The following LDB2 variants were observed in gnomAD, a reference collection of about 807,000 sequenced individuals.
LDB2 encodes LIM domain binding 2.
LDB2 carries 12 observed loss-of-function variants against 44.3 expected under a neutral mutation model. The observed-to-expected ratio is 0.27, with a 90% CI of 0.17 to 0.44. The LOEUF (loss-of-function observed/expected upper bound fraction) is 0.44. Ranked by LOEUF, LDB2 falls within the 20% of genes least tolerant of loss-of-function variation. LDB2 has a pLI of 1.00. For missense variants in LDB2, 344 were observed against 473.5 expected (o/e 0.73, Z 2.54); for synonymous variants, 164 against 174.8 (o/e 0.94, Z 0.49).
chr4:16,687,276 G>T (rs542263775), intron 2 of LDB2, among the ~76,000 whole-genome samples: 2 of 152,268 alleles, frequency 1.3e-5, no homozygotes, highest in Admixed American at 1.3e-4. Flanking sequence ...AGGTAATAAG[G>T]TTATGAGAGT....
intron 5 of LDB2, among the ~76,000 whole-genome samples, chr4:16,583,517 G>A (rs1715544544): frequency 6.6e-6 from 1 of 152,146 alleles, no homozygotes; most frequent in Non-Finnish European, 1.5e-5. Context: ...CAGATCTTAA[G>A]GCAACTTTAT....
chr4:16,816,472 G>A (rs751355539), intron 1 of LDB2, among the ~76,000 whole-genome samples: 3 of 135,052 alleles, frequency 2.2e-5, no homozygotes, highest in Non-Finnish European at 4.6e-5. Context: ...GCAATTACAC[G>A]ATCTCAGCTC....
At chr4:16,749,244 G>A (rs1190832962) in intron 2 of LDB2, among the ~76,000 whole-genome samples, 1 of 152,020 alleles carries the variant, frequency 6.6e-6, no homozygotes, top group Non-Finnish European at 1.5e-5. Context: ...TCTTAGCATT[G>A]TAGGTTGGGT....
intron 2 of LDB2, among the ~76,000 whole-genome samples, chr4:16,657,781 T>C (rs1190515231): frequency 2.0e-5 from 3 of 152,242 alleles, no homozygotes; most frequent in Non-Finnish European, 4.4e-5. Flanking sequence ...TGGATGTAGA[T>C]GAAGGGGTGA....
intron 1 of LDB2, among the ~76,000 whole-genome samples, chr4:16,822,704 C>T (rs1246229317): frequency 6.6e-6 from 1 of 151,888 alleles, no homozygotes. Flanking sequence ...TTAGTAGACA[C>T]AGGGTTTCAC....
chr4:16,640,089 C>T (rs188778954), intron 2 of LDB2, among the ~76,000 whole-genome samples: 5 of 152,332 alleles, frequency 3.3e-5, no homozygotes, highest in Non-Finnish European at 5.9e-5. Context: ...TTACTTTCTA[C>T]ATGTTTGAAG....
chr4:16,542,967 C>T (rs912336109), intron 5 of LDB2, among the ~76,000 whole-genome samples: 1 of 135,586 alleles, frequency 7.4e-6, no homozygotes, highest in Non-Finnish European at 1.5e-5. Flanking sequence ...ATGTTCCCCA[C>T]CCTGTGTCCA....
At chr4:16,636,589 T>G (rs554056893) in intron 2 of LDB2, among the ~76,000 whole-genome samples, 1 of 152,302 alleles carries the variant, frequency 6.6e-6, no homozygotes, top group East Asian at 1.9e-4. Flanking sequence ...TATTTATGTA[T>G]TTTGTTTTCA....
At chr4:16,660,008 C>T (rs377138678) in intron 2 of LDB2, among the ~76,000 whole-genome samples, 4 of 152,128 alleles carry the variant, frequency 2.6e-5, no homozygotes, top group South Asian at 4.1e-4. Flanking sequence ...GACTATTTTG[C>T]TCCGCAGGGT....
intron 2 of LDB2, among the ~76,000 whole-genome samples, chr4:16,732,727 A>G (rs1761014149): frequency 6.6e-6 from 1 of 152,236 alleles, no homozygotes; most frequent in African/African-American, 2.4e-5. Context: ...GTTTGGACAA[A>G]CAAACATGTA....
intron 1 of LDB2, among the ~76,000 whole-genome samples, chr4:16,805,367 T>C (rs1056498279): frequency 2.0e-5 from 3 of 152,194 alleles, no homozygotes; most frequent in Non-Finnish European, 4.4e-5. Flanking sequence ...TGGGCCAAAG[T>C]CATTGGTTTA....
chr4:16,601,407 C>G (rs1365280473), intron 2 of LDB2, among the ~76,000 whole-genome samples: 2 of 152,104 alleles, frequency 1.3e-5, no homozygotes, highest in Non-Finnish European at 2.9e-5. Context: ...AAAGACAATT[C>G]ACTTCCAAGA....
At chr4:16,628,792 G>A (rs1731036576) in intron 2 of LDB2, among the ~76,000 whole-genome samples, 1 of 152,182 alleles carries the variant, frequency 6.6e-6, no homozygotes. Flanking sequence ...GCCGAAGAAG[G>A]GTGGGGTGTC....
At chr4:16,520,340 G>C (rs1454229285) in intron 5 of LDB2, among the ~76,000 whole-genome samples, 2 of 151,396 alleles carry the variant, frequency 1.3e-5, no homozygotes, top group East Asian at 3.9e-4. Context: ...CTAAGAAGCA[G>C]ATAAGAATGA....
chr4:16,674,325 G>A (rs761395024), intron 2 of LDB2: 2 of 1,207,692 alleles, frequency 1.7e-6, no homozygotes, highest in South Asian at 2.5e-5. Context: ...CACAACTGCA[G>A]AAAGACAGTG....
intron 1 of LDB2, among the ~76,000 whole-genome samples, chr4:16,761,223 C>T (rs1767844651): frequency 6.6e-6 from 1 of 152,200 alleles, no homozygotes; most frequent in South Asian, 2.1e-4. Flanking sequence ...CTCCAGTACA[C>T]TCAGCAAATA....
intron 5 of LDB2, among the ~76,000 whole-genome samples, chr4:16,548,016 T>C (rs1379100946): frequency 2.0e-5 from 3 of 151,976 alleles, no homozygotes; most frequent in Non-Finnish European, 4.4e-5. Context: ...TGGAGTGCAG[T>C]GGCGTCATCT....
chr4:16,508,537 G>A lies in LDB2; in HGVS notation c.889C>T (p.Pro297Ser), dbSNP rs1720480255. Residue 297 changes from proline to serine, a missense_variant and splice_region_variant, in exon 7 of 8, where the codon CCT becomes TCT. This residue lies in a region of LDB2 where 86 missense variants were observed against 171.2 expected (regional missense o/e 0.50). Transcript: ENST00000304523. ...AANLSLSSQV[P>S]DVMVVGEPTL... ...CCTAAGAGGAAAGCGAGACTTACAG[G>A]TACCTGACTGGACAGACTCAGGTTT... 3 of 1,575,840 alleles carry A rather than the reference G, an allele frequency of 1.9e-6. No individual in the cohort carries two copies. The highest frequency in any genetic ancestry group is 1.8e-5 in the Admixed American group (1 of 56,924).
At chr4:16,743,797 G>C (rs906331749) in intron 2 of LDB2, among the ~76,000 whole-genome samples, 1 of 152,162 alleles carries the variant, frequency 6.6e-6, no homozygotes, top group African/African-American at 2.4e-5. Flanking sequence ...TTTCTGCCTT[G>C]TGAGACCCTA....
Sources: gnomAD v4.1 joint callset for allele counts (sites outside exome capture counted in the v4.1 genomes callset) on GRCh38, gnomAD v4.1.1 for gene constraint, gnomAD v4.1.1 regional missense constraint, MANE v1.5 for transcripts, NCBI Gene and HGNC (gene_info 2026-07-23, HGNC 2026-07-21) for gene names.